Variants in KIAA1328 observed in about 807,000 individuals in gnomAD.
The protein encoded by KIAA1328 is KIAA1328.
A neutral mutation model predicts 68.1 loss-of-function variants in KIAA1328; 52 were observed. That is an observed-to-expected ratio of 0.76 (90% CI 0.61 to 0.96). The LOEUF is 0.96. Among genes scored for constraint, KIAA1328 ranks in the 40% least tolerant of loss-of-function variants. KIAA1328 has a pLI of 0.00. For missense variants in KIAA1328, 641 were observed against 677.6 expected (o/e 0.95, Z 0.60); for synonymous variants, 232 against 239.4 (o/e 0.97, Z 0.28).
At chr18:37,138,948 C>CTTTTTTT (rs869053490) in intron 7 of KIAA1328, among the ~76,000 whole-genome samples, 2 of 74,118 alleles carry the variant, frequency 2.7e-5, no homozygotes, top group Non-Finnish European at 4.8e-5. Flanking sequence ...AAATTTTGTT[C>CTTTTTTT]TTTTTTTTTT....
At chr18:37,154,782 T>A (rs1384049077) in intron 7 of KIAA1328, among the ~76,000 whole-genome samples, 1 of 152,080 alleles carries the variant, frequency 6.6e-6, no homozygotes, top group Non-Finnish European at 1.5e-5. Flanking sequence ...ATACCAAGGG[T>A]TTTTATATTT....
chr18:37,054,389 T>G (rs1357966743), intron 6 of KIAA1328, among the ~76,000 whole-genome samples: 1 of 152,108 alleles, frequency 6.6e-6, no homozygotes, highest in African/African-American at 2.4e-5. Context: ...CTATTCACAA[T>G]AGCAAAGGTG....
Position 37,224,567 on chromosome 18 carries a change from C to A in KIAA1328, c.*2340C>A. 1.0e-6 allele frequency: 1 copy of A among 965,754 alleles called. No homozygotes were observed. Among genetic ancestry groups the A allele is most frequent in the Non-Finnish European group, 1.2e-6 (1 of 812,040 alleles). The allele number at this position is 965,754 out of a possible 1,614,324, so 59.8% of individuals were successfully genotyped here. The stretch of plus-strand genomic sequence containing the variant: ...TGTCTTCATTATTAATTGAATAGTA[C>A]ATGTTAACATTTTAATCTATTTAAA... On this transcript the variant is annotated 3_prime_UTR_variant, in exon 10 of 10. Transcript: ENST00000280020.
chr18:36,991,736 A>G (rs2053185973), intron 6 of KIAA1328, among the ~76,000 whole-genome samples: 1 of 152,176 alleles, frequency 6.6e-6, no homozygotes, highest in Non-Finnish European at 1.5e-5. Context: ...TGGCCCTACC[A>G]TGGCTGGGCC....
intron 5 of KIAA1328, among the ~76,000 whole-genome samples, chr18:36,948,698 C>G (rs889806777): frequency 1.3e-5 from 2 of 151,868 alleles, no homozygotes; most frequent in African/African-American, 4.8e-5. Flanking sequence ...TACAGGCATG[C>G]GCCACCACGC....
chr18:37,096,082 CTTTTT>C (rs557817819), intron 7 of KIAA1328, among the ~76,000 whole-genome samples: 1 of 147,668 alleles, frequency 6.8e-6, no homozygotes, highest in Non-Finnish European at 1.5e-5. Flanking sequence ...GACACCAATT[CTTTTT>C]TTTTTTCTAC....
chr18:37,037,701 T>C (rs972316401), intron 6 of KIAA1328, among the ~76,000 whole-genome samples: 3 of 150,640 alleles, frequency 2.0e-5, no homozygotes, highest in Admixed American at 1.3e-4. Context: ...CTGGCCAATC[T>C]GGTGAAACCC....
rs576406202 is a variant in KIAA1328, at chr18:36,910,238, G to GA, written c.448+24566_448+24567insA. ...TGGTATTGCCTAGGTTTTCTTCTAG[G>GA]GTTTTTATGGTTTTAGGTCTAACAT... is the stretch of plus-strand genomic sequence containing the variant. On this transcript the variant is annotated intron_variant, in intron 5 of 9. Transcript: ENST00000280020. 6.6e-4 allele frequency among the ~76,000 whole-genome samples: 100 copies of GA among 152,076 alleles called. 1 individual carries two copies. The East Asian group carries it at 0.015, about 22-fold the overall frequency.
intron 6 of KIAA1328, among the ~76,000 whole-genome samples, chr18:37,006,125 A>T (rs1013499046): frequency 6.6e-6 from 1 of 152,138 alleles, no homozygotes; most frequent in Non-Finnish European, 1.5e-5. Flanking sequence ...GGCATTATAT[A>T]TGCATAATAA....
At chr18:36,948,261 G>GTTTTTTTTTTTTT (rs1167822236) in intron 5 of KIAA1328, among the ~76,000 whole-genome samples, 3 of 115,746 alleles carry the variant, frequency 2.6e-5, no homozygotes, top group Non-Finnish European at 3.6e-5. Flanking sequence ...TTTGTCTTTT[G>GTTTTTTTTTTTTT]TTTTTTTTTT....
chr18:37,103,731 G>A (rs961867291), intron 7 of KIAA1328, among the ~76,000 whole-genome samples: 3 of 151,548 alleles, frequency 2.0e-5, no homozygotes, highest in Middle Eastern at 3.4e-3. Flanking sequence ...TATAGTAGAA[G>A]AAAGTATATA....
At position 36,835,298 on chromosome 18, in the gene KIAA1328, A is replaced by G. The variant is rs1477205797; in HGVS notation, c.159A>G (p.Lys53=). The G allele has an allele frequency of 1.2e-6, 2 of 1,613,812 alleles. No homozygotes were observed. The highest frequency in any genetic ancestry group is 1.1e-5 in the South Asian group (1 of 91,072). The change falls in exon 3 of 10, where the codon AAA becomes AAG. Residue 53 remains lysine, a synonymous_variant. Coordinates refer to ENST00000280020, the MANE Select transcript of KIAA1328 (RefSeq NM_020776.3). ...HKLMSPKADV[K]LKTSRVTDAS... is the part of the protein sequence containing the mutation. ...TGATGAGTCCAAAAGCTGATGTTAA[A>G]CTTAAGACTTCCAGGGTGACTGATG...
chr18:36,976,081 G>T (rs1418298286), intron 6 of KIAA1328, among the ~76,000 whole-genome samples: 1 of 152,204 alleles, frequency 6.6e-6, no homozygotes, highest in Non-Finnish European at 1.5e-5. Flanking sequence ...TTCTGATGAT[G>T]TAACTGTCCT....
At chr18:37,022,778 T>G (rs2054397435) in intron 6 of KIAA1328, among the ~76,000 whole-genome samples, 1 of 152,190 alleles carries the variant, frequency 6.6e-6, no homozygotes, top group Non-Finnish European at 1.5e-5. Flanking sequence ...TCTACTGCGG[T>G]TTTGCTCTCA....
intron 4 of KIAA1328, among the ~76,000 whole-genome samples, chr18:36,881,003 T>A (rs1333093375): frequency 1.3e-5 from 2 of 152,184 alleles, no homozygotes; most frequent in Admixed American, 6.5e-5. Context: ...GCTATACTTA[T>A]CAGATAGATT....
intron 7 of KIAA1328, among the ~76,000 whole-genome samples, chr18:37,098,586 C>T (rs1255862105): frequency 6.6e-6 from 1 of 152,136 alleles, no homozygotes; most frequent in African/African-American, 2.4e-5. Flanking sequence ...ATCCTGGGCT[C>T]ATAAAATGAG....
intron 3 of KIAA1328, among the ~76,000 whole-genome samples, chr18:36,843,884 A>T (rs1481731691): frequency 6.6e-6 from 1 of 152,142 alleles, no homozygotes; most frequent in East Asian, 1.9e-4. Context: ...TGGTGTAATA[A>T]CAGTTCTCAG....
At chr18:37,053,447 C>A (rs1449756960) in intron 6 of KIAA1328, among the ~76,000 whole-genome samples, 2 of 151,988 alleles carry the variant, frequency 1.3e-5, no homozygotes, top group African/African-American at 2.4e-5. Context: ...ATGACTAAGA[C>A]CTCAAAAACA....
At chr18:37,064,470 G>A (rs2056271010) in intron 6 of KIAA1328, among the ~76,000 whole-genome samples, 1 of 151,614 alleles carries the variant, frequency 6.6e-6, no homozygotes, top group Non-Finnish European at 1.5e-5. Flanking sequence ...TGTCTGTGGA[G>A]TAGCTAGCTA....
Sources: allele counts gnomAD v4.1 joint callset (sites outside exome capture counted in the v4.1 genomes callset), GRCh38; gene constraint gnomAD v4.1.1; transcripts MANE v1.5; gene names NCBI Gene and HGNC (gene_info 2026-07-23, HGNC 2026-07-21).